LRRC8A: variants seen among roughly 807,000 people sequenced by gnomAD.
LRRC8A encodes the protein leucine rich repeat containing 8 VRAC subunit A.
A neutral mutation model predicts 52.5 loss-of-function variants in LRRC8A; 24 were observed. That is an observed-to-expected ratio of 0.46 (90% confidence interval 0.33 to 0.64). LRRC8A has a LOEUF of 0.64. Ranked by LOEUF, LRRC8A falls within the 30% of genes least tolerant of loss-of-function variation. The pLI, the probability that LRRC8A is intolerant of heterozygous loss-of-function variation, is 0.02. For synonymous variants in LRRC8A, 492 were observed against 494.2 expected, an observed-to-expected ratio of 1.00 and a Z score of 0.06; for missense variants, 677 against 1,094.7, an observed-to-expected ratio of 0.62 and a Z score of 5.38.
intron 2 of LRRC8A, among the ~76,000 whole-genome samples, chr9:128,888,100 G>A (rs1204936827): frequency 3.3e-5 from 5 of 152,142 alleles, no homozygotes; most frequent in African/African-American, 9.7e-5. Context: ...AGTGCCTGGT[G>A]TGTGATTGTG....
Position 128,898,039 on chromosome 9 carries a change from AGT to A in LRRC8A, c.-8-9071_-8-9070del, listed in dbSNP as rs58876901. Among the ~76,000 whole-genome samples the A allele has an allele frequency of 2.0e-3, 271 of 136,480 alleles. 2 individuals are homozygous for A. The highest frequency in any genetic ancestry group is 5.6e-3 in the African/African-American group (203 of 36,344). The allele number at this position is 136,480 out of a possible 152,430, so 89.5% of individuals were successfully genotyped here. A position where few individuals can be genotyped will look rare whatever the true frequency, so the allele number is the denominator to read the frequency against. The stretch of plus-strand genomic sequence containing the variant: ...TCTAACCTCACTTCTAAGATTGTTC[AGT>A]GTGTGTGTGTGTGTGTGTGTGTGTG... On this transcript the variant is annotated intron_variant, in intron 2 of 3. Transcript: ENST00000372600.
rs1011691778 is a variant in LRRC8A at position 128,892,150 on chromosome 9, C to T, written c.-9+6029C>T. 5.9e-5 allele frequency among the ~76,000 whole-genome samples: 9 copies of T among 152,204 alleles called. No individual in the cohort carries two copies. The highest frequency in any genetic ancestry group is 1.3e-4 in the Non-Finnish European group (9 of 68,038). On this transcript the variant is annotated intron_variant, in intron 2 of 3. Transcript: ENST00000372600. The surrounding 1 kb of genome is among the most constrained non-coding windows in gnomAD (Gnocchi z 5.2). Reference sequence around the variant, plus strand: ...AGGTGAAGGGACTTTCTCACGGTCTCGTGGTGAGGTGGGTGCCACCTTGCT... The same window carrying T: ...AGGTGAAGGGACTTTCTCACGGTCTTGTGGTGAGGTGGGTGCCACCTTGCT...
At position 128,909,449 on chromosome 9, in the gene LRRC8A, G is replaced by A. The variant is rs922443872; in HGVS notation, c.2157+128G>A. On this transcript the variant is annotated intron_variant, in intron 3 of 3. Transcript: ENST00000372600. The stretch of plus-strand genomic sequence containing the variant: ...CCCTGAGTGTGGAGTCCTCACCTGG[G>A]GTTTACAGAACCATCCAGGATAGAA... 2.2e-5 allele frequency: 20 copies of A among 895,224 alleles called. No homozygotes were observed. The African/African-American group carries it at 3.2e-4, about 14-fold the overall frequency. The allele number at this position is 895,224 out of a possible 1,614,324, so 55.5% of individuals were successfully genotyped here.
rs73669990 is a variant in LRRC8A, at chr9:128,899,642, A to G, written c.-8-7515A>G. Among the ~76,000 whole-genome samples, 8,436 of 152,282 alleles carry G rather than the reference A, an allele frequency of 0.055. 277 individuals are homozygous for G. The highest frequency in any genetic ancestry group is 0.096 in the African/African-American group (3,978 of 41,538). On this transcript the variant is annotated intron_variant, in intron 2 of 3. Coordinates refer to ENST00000372600, the MANE Select transcript of LRRC8A (RefSeq NM_019594.4). The surrounding 1 kb of genome is among the most constrained non-coding windows in gnomAD (Gnocchi z 4.0). ...GACATTACGTTAAGTGATACAGCCCATCACAAAAGGACAAATACCTTATGA... is the reference window on the plus strand; with the variant it reads ...GACATTACGTTAAGTGATACAGCCCGTCACAAAAGGACAAATACCTTATGA...
rs11999276 is a variant in LRRC8A, at chr9:128,908,622, C to T, written c.1458C>T (p.Pro486=). 3.7e-3 allele frequency: 5,944 copies of T among 1,612,566 alleles called. 122 individuals carry two copies. The African/African-American group carries it at 0.058, about 16-fold the overall frequency. Residue 486 remains proline, a synonymous_variant, in exon 3 of 4, where the codon CCC becomes CCT. Transcript: ENST00000372600. Reference sequence around the variant, plus strand: ...ACACAGCGGCCAAGATTGAAGCGCCCGCGCTGGCCTTCCTGCGTGAGAACC... The same window carrying T: ...ACACAGCGGCCAAGATTGAAGCGCCTGCGCTGGCCTTCCTGCGTGAGAACC... ...LYHTAAKIEA[P]ALAFLRENLR...
At chr9:128,890,130 T>G (rs111719479) in intron 2 of LRRC8A, among the ~76,000 whole-genome samples, 13 of 128,208 alleles carry the variant, frequency 1.0e-4, no homozygotes, top group Admixed American at 2.6e-4. Context: ...TGGCTTCATT[T>G]TGTGTGTGTG....
At chr9:128,885,224 A>T (rs965188517) in intron 1 of LRRC8A, 15 of 152,370 alleles carry the variant, frequency 9.8e-5, no homozygotes, top group African/African-American at 3.4e-4. Context: ...GTCGGAGATG[A>T]TGGGTGGATT....
intron 3 of LRRC8A, among the ~76,000 whole-genome samples, chr9:128,914,793 C>A (rs549867397): frequency 1.3e-5 from 2 of 152,340 alleles, no homozygotes; most frequent in East Asian, 3.9e-4. Context: ...TACTTACACG[C>A]AGTAAGAACT....
At chr9:128,915,974 G>A in intron 3 of LRRC8A, 122 bp from the exon 4 acceptor site, 2 of 1,237,862 alleles carry the variant, frequency 1.6e-6, no homozygotes, top group Non-Finnish European at 1.1e-6. Context: ...AGATTGTGCT[G>A]ATGCTGGGGG....
intron 1 of LRRC8A, chr9:128,882,584 C>CCA: frequency 2.5e-6 from 1 of 398,056 alleles, no homozygotes; most frequent in East Asian, 3.6e-5. Flanking sequence ...CCTCACCCCT[C>CCA]CACACACACT....
intron 2 of LRRC8A, among the ~76,000 whole-genome samples, chr9:128,888,786 C>G (rs979415184): frequency 6.6e-5 from 10 of 152,010 alleles, no homozygotes; most frequent in African/African-American, 2.4e-4. Flanking sequence ...CGCTTTCCCT[C>G]CCCCACGTCA....
In LRRC8A at chr9:128,908,543, C is replaced by A. The variant is rs374277407; in HGVS notation, c.1379C>A (p.Thr460Asn). The change falls in exon 3 of 4, where the codon ACC (threonine) becomes AAC (asparagine). Residue 460 changes from threonine to asparagine, a missense_variant. Physicochemically the swap from Thr to Asn is moderately conservative, Grantham distance 65. Coordinates refer to ENST00000372600, the MANE Select transcript of LRRC8A (RefSeq NM_019594.4). ...AAGCTGGAGCTGATCCCCGACGTGA[C>A]CATCCCGCCCAGCATTGCCCAGCTC... ...VLKLELIPDV[T>N]IPPSIAQLTG... 6 of 1,612,620 alleles carry A rather than the reference C, an allele frequency of 3.7e-6. No homozygotes were observed. Among genetic ancestry groups the A allele is most frequent in the Non-Finnish European group, 5.1e-6 (6 of 1,179,962 alleles).
rs186460765 is a variant in LRRC8A at position 128,894,652 on chromosome 9, G to A, written c.-9+8531G>A. 1.0e-3 allele frequency among the ~76,000 whole-genome samples: 154 copies of A among 151,726 alleles called. 1 individual carries two copies. In the Middle Eastern group the frequency reaches 0.01, roughly 10 times the overall value. On this transcript the variant is annotated intron_variant, in intron 2 of 3. Coordinates refer to ENST00000372600, the MANE Select transcript of LRRC8A (RefSeq NM_019594.4). ...TAGTAAAAATACAAAAATTAGCCAG[G>A]AGTGGTGGCACACACCTGTAGTCCC...
intron 2 of LRRC8A, among the ~76,000 whole-genome samples, chr9:128,897,894 T>C (rs908449982): frequency 4.3e-4 from 62 of 145,586 alleles, no homozygotes; most frequent in Non-Finnish European, 1.9e-4. Flanking sequence ...AATAAAAAAA[T>C]AGAGGGCAGG....
chr9:128,893,261 C>G (rs1839695854), intron 2 of LRRC8A, among the ~76,000 whole-genome samples: 2 of 152,236 alleles, frequency 1.3e-5, no homozygotes, highest in South Asian at 2.1e-4. Context: ...TGCTCAGAGA[C>G]ATGGTGCTTG....
At chr9:128,913,811 G>C (rs1055597738) in intron 3 of LRRC8A, among the ~76,000 whole-genome samples, 1 of 152,184 alleles carries the variant, frequency 6.6e-6, no homozygotes, top group Non-Finnish European at 1.5e-5. Flanking sequence ...CTGACCTTCA[G>C]CCCCTGCTGA....
Position 128,908,211 on chromosome 9 carries a change from G to A in LRRC8A, c.1047G>A (p.Lys349=), listed in dbSNP as rs765595338. ...TLWWMLRRSL[K]KYSFESIREE... ...GGTGGATGCTACGGCGCTCCCTCAA[G>A]AAGTACTCGTTTGAGTCGATCCGTG... is the stretch of plus-strand genomic sequence containing the variant. The change falls in exon 3 of 4, where the codon AAG becomes AAA. Residue 349 remains lysine (K), a synonymous_variant. Coordinates refer to ENST00000372600, the MANE Select transcript of LRRC8A (RefSeq NM_019594.4). The A allele has an allele frequency of 1.2e-6, 2 of 1,614,102 alleles. No homozygotes were observed. Among genetic ancestry groups the A allele is most frequent in the Non-Finnish European group, 1.7e-6 (2 of 1,180,034 alleles).
intron 2 of LRRC8A, among the ~76,000 whole-genome samples, chr9:128,894,483 CA>C (rs563089026): frequency 9.8e-4 from 133 of 136,064 alleles, no homozygotes; most frequent in East Asian, 8.5e-4. Context: ...GACTCCATCT[CA>C]AAAAAAAAAA....
chr9:128,906,542 T>G (rs1232688229), intron 2 of LRRC8A, among the ~76,000 whole-genome samples: 1 of 152,020 alleles, frequency 6.6e-6, no homozygotes, highest in Non-Finnish European at 1.5e-5. Context: ...AGGCTGGTCT[T>G]GAACTTCTGA....
Sources: allele counts gnomAD v4.1 joint callset (sites outside exome capture counted in the v4.1 genomes callset), GRCh38; gene constraint gnomAD v4.1.1; non-coding constraint Gnocchi (gnomAD v3.1); transcripts MANE v1.5; gene names NCBI Gene and HGNC (gene_info 2026-07-23, HGNC 2026-07-21).